CYLC1: variants seen among roughly 807,000 people sequenced by gnomAD.
CYLC1 encodes cylicin-1.
CYLC1 carries 2 observed loss-of-function variants against 31.6 expected under a neutral mutation model. The ratio of observed to expected loss-of-function variants is 0.06; its 90% confidence interval spans 0.03 to 0.20. The LOEUF is 0.20. Ranked by LOEUF, CYLC1 falls within the 10% of genes least tolerant of loss-of-function variation. The pLI is 1.00. For synonymous variants in CYLC1, 185 were observed against 153.0 expected (o/e 1.21, Z -1.54); for missense variants, 595 against 424.1 (o/e 1.40, Z -3.54).
At chrX:83,868,991 T>C (rs928951723) in intron 1 of CYLC1, among the ~76,000 whole-genome samples, 7 of 110,727 alleles carry the variant, frequency 6.3e-5, no homozygotes, top group African/African-American at 2.3e-4. Flanking sequence ...ACATTTTGTA[T>C]TACTGAGCCT....
intron 3 of CYLC1, among the ~76,000 whole-genome samples, chrX:83,872,010 T>C (rs2031672900): frequency 9.0e-6 from 1 of 111,204 alleles, no homozygotes; most frequent in South Asian, 3.7e-4. Context: ...AATAAGCATA[T>C]ATAGGTCACC....
intron 1 of CYLC1, chrX:83,864,758 T>G (rs1052918648): frequency 5.3e-5 from 16 of 303,063 alleles, no homozygotes; most frequent in Non-Finnish European, 1.0e-4. Flanking sequence ...GCTTTCACAT[T>G]TACAATTCCA....
At position 83,873,575 on chromosome X, in the gene CYLC1, AAAG is replaced by A. The variant is rs773803716; in HGVS notation, c.870_872del (p.Lys290del). ...CAAAGTATACAAAGAAGGACACAAA[AAAG>A]AATGCAAAGAAAAGCTCTGATGCTG... On this transcript the variant is annotated inframe_deletion, in exon 4 of 5. Coordinates refer to ENST00000329312, the MANE Select transcript of CYLC1 (RefSeq NM_021118.3). 23 of 1,190,810 alleles carry A rather than the reference AAAG, an allele frequency of 1.9e-5. No homozygotes were observed. The highest frequency in any genetic ancestry group is 2.6e-5 in the Non-Finnish European group (23 of 883,276).
intron 4 of CYLC1, among the ~76,000 whole-genome samples, chrX:83,876,703 C>A (rs1429647427): frequency 1.8e-5 from 2 of 110,648 alleles, no homozygotes; most frequent in East Asian, 2.9e-4. Flanking sequence ...TTTAAACTAA[C>A]CTTTCTGTCT....
intron 1 of CYLC1, among the ~76,000 whole-genome samples, chrX:83,869,024 A>G (rs1330070814): frequency 9.1e-6 from 1 of 110,257 alleles, no homozygotes; most frequent in Non-Finnish European, 1.9e-5. Context: ...CATGGTATAT[A>G]TTTCTATTTG....
intron 4 of CYLC1, among the ~76,000 whole-genome samples, chrX:83,883,280 A>G (rs1280565268): frequency 8.9e-6 from 1 of 111,796 alleles, no homozygotes; most frequent in Non-Finnish European, 1.9e-5. Flanking sequence ...CTGCATGTAG[A>G]AGATAATTAA....
At chrX:83,877,925 TAA>T (rs1491411610) in intron 4 of CYLC1, among the ~76,000 whole-genome samples, 42 of 57,506 alleles carry the variant, frequency 7.3e-4, no homozygotes, top group South Asian at 2.8e-3. Context: ...TATATATATA[TAA>T]ATATAAATAT....
intron 4 of CYLC1, among the ~76,000 whole-genome samples, chrX:83,877,464 C>T (rs145213484): frequency 5.9e-4 from 65 of 110,716 alleles, no homozygotes; most frequent in Non-Finnish European, 4.9e-4. Flanking sequence ...TTAGCCCCTA[C>T]CCATTTTTCA....
chrX:83,873,385 G>A lies in CYLC1; in HGVS notation c.677G>A (p.Arg226Lys), dbSNP rs2031703542. The A allele has an allele frequency of 2.5e-6, 3 of 1,201,249 alleles. No homozygotes were observed. The highest frequency in any genetic ancestry group is 3.4e-6 in the Non-Finnish European group (3 of 889,620). ...TKNNPKKDLKRSKTSNDPISE... is the reference protein window; with the variant it reads ...TKNNPKKDLKKSKTSNDPISE... ...AACAATCCAAAGAAAGATTTGAAGA[G>A]GTCAAAGACTAGTAATGATCCCATA... The change falls in exon 4 of 5, where the codon AGG becomes AAG. Residue 226 changes from arginine (R) to lysine (K), a missense_variant. Physicochemically the swap from Arg to Lys is conservative, Grantham distance 26 (BLOSUM62 2). Transcript: ENST00000329312.
In CYLC1 at chrX:83,873,254, T is replaced by A. The variant is rs1223920044; in HGVS notation, c.546T>A (p.Asn182Lys). ...SKKSKSSSET[N>K]PESQNSKTVS... ...AGTCAAAATCCAGTTCAGAAACTAA[T>A]CCAGAATCCCAAAATTCTAAGACAG... The change falls in exon 4 of 5, where the codon AAT becomes AAA. Residue 182 changes from asparagine to lysine, a missense_variant. Coordinates refer to ENST00000329312, the MANE Select transcript of CYLC1 (RefSeq NM_021118.3). 26 of 1,199,523 alleles carry A rather than the reference T, an allele frequency of 2.2e-5. No individual in the cohort carries two copies. Among genetic ancestry groups the A allele is most frequent in the African/African-American group, 3.5e-5 (2 of 56,989 alleles).
intron 4 of CYLC1, among the ~76,000 whole-genome samples, chrX:83,877,244 T>C (rs1041495813): frequency 6.3e-5 from 7 of 110,976 alleles, no homozygotes; most frequent in African/African-American, 2.3e-4. Flanking sequence ...ACTTTCCTTA[T>C]CTCCATTACT....
In CYLC1 at chrX:83,873,105, A is replaced by G; in HGVS notation, c.397A>G (p.Lys133Glu). 1.7e-6 allele frequency: 2 copies of G among 1,193,899 alleles called. No homozygotes were observed. Among genetic ancestry groups the G allele is most frequent in the Admixed American group, 2.4e-5 (1 of 42,296 alleles). The part of the protein sequence containing the change: ...GGTPLKKDSK[K>E]KGGSYATNPE... ...AACACCTTTGAAGAAAGATTCCAAG[A>G]AAAAAGGAGGTTCATATGCAACAAA... Residue 133 changes from lysine to glutamate, a missense_variant, in exon 4 of 5, where the codon AAA (lysine) becomes GAA (glutamate). By Grantham distance (56) the Lys-to-Glu change is moderately conservative. Coordinates refer to ENST00000329312, the MANE Select transcript of CYLC1 (RefSeq NM_021118.3).
intron 2 of CYLC1, 74 bp from the exon 3 acceptor site, chrX:83,871,378 T>A (rs987091201): frequency 3.5e-5 from 25 of 711,227 alleles, no homozygotes; most frequent in Non-Finnish European, 4.9e-5. Flanking sequence ...AATATGTTTC[T>A]TACTCAAGAA....
At chrX:83,863,020 C>A (rs920048180) in intron 1 of CYLC1, among the ~76,000 whole-genome samples, 1 of 111,646 alleles carries the variant, frequency 9.0e-6, no homozygotes, top group Admixed American at 9.5e-5. Context: ...ACTTATATCA[C>A]CTGTGACCTT....
At chrX:83,862,327 C>A (rs761481854) in intron 1 of CYLC1, among the ~76,000 whole-genome samples, 2 of 103,977 alleles carry the variant, frequency 1.9e-5, no homozygotes, top group Non-Finnish European at 3.9e-5. Flanking sequence ...GTCAGGAGAT[C>A]GAGACCATCC....
chrX:83,885,444 C>A (rs900789368), intron 4 of CYLC1, among the ~76,000 whole-genome samples: 1 of 109,359 alleles, frequency 9.1e-6, no homozygotes, highest in Non-Finnish European at 1.9e-5. Context: ...CCCAAGAGAT[C>A]ATTTTGCACC....
chrX:83,877,899 A>AATATATATAAATATATAT (rs1243405816), intron 4 of CYLC1, among the ~76,000 whole-genome samples: 1 of 20,308 alleles, frequency 4.9e-5, no homozygotes, highest in Non-Finnish European at 1.2e-4. Context: ...TATATATACA[A>AATATATATAAATATATAT]ATATATATAA....
intron 4 of CYLC1, among the ~76,000 whole-genome samples, chrX:83,876,952 T>C (rs1465045240): frequency 4.5e-5 from 5 of 111,114 alleles, no homozygotes; most frequent in Non-Finnish European, 9.4e-5. Flanking sequence ...TCTCCAGTTA[T>C]GACCTTCTAA....
chrX:83,886,156 AT>A lies in CYLC1; in HGVS notation c.1924-394del, dbSNP rs761348373. On this transcript the variant is annotated intron_variant, in intron 4 of 4. Coordinates refer to ENST00000329312, the MANE Select transcript of CYLC1 (RefSeq NM_021118.3). ...TTTTAAATGCATTTTCATTTTTTAC[AT>A]TATATTTTTATTTTTAAAAGTTCTA... Among the ~76,000 whole-genome samples the A allele has an allele frequency of 1.5e-3, 168 of 111,637 alleles. 1 individual carries two copies. Among genetic ancestry groups the A allele is most frequent in the African/African-American group, 5.1e-3 (156 of 30,869 alleles).
Sources: gnomAD v4.1 joint callset for allele counts (sites outside exome capture counted in the v4.1 genomes callset) on GRCh38, gnomAD v4.1.1 for gene constraint, MANE v1.5 for transcripts, NCBI Gene and HGNC (gene_info 2026-07-23, HGNC 2026-07-21) for gene names.